Variants in SYT14 observed in about 807,000 individuals in gnomAD.
SYT14 encodes the protein synaptotagmin 14, also known as synaptotagmin-14.
SYT14 carries 32 observed loss-of-function variants against 74.2 expected under a neutral mutation model. The observed-to-expected ratio is 0.43, with a 90% CI of 0.33 to 0.58. The LOEUF (loss-of-function observed/expected upper bound fraction) is 0.58, where lower values mean the gene tolerates loss of function less well. SYT14 is among the 20% of genes least tolerant of loss of function. The probability of loss-of-function intolerance (pLI) is 0.05; values close to 1 mark genes in which losing one functional copy is unlikely to be tolerated. For missense variants in SYT14, 791 were observed against 981.8 expected, an observed-to-expected ratio of 0.81 and a Z score of 2.60; for synonymous variants, 298 against 337.7, an observed-to-expected ratio of 0.88 and a Z score of 1.29.
At chr1:210,094,210 T>G in intron 5 of SYT14, 112 bp from the exon 5 acceptor site, 1 of 1,386,442 alleles carries the variant, frequency 7.2e-7, no homozygotes. Context: ...CTAATAGTTA[T>G]GTTGCCATCA....
At chr1:209,991,437 T>TCC (rs2079683777) in intron 2 of SYT14, among the ~76,000 whole-genome samples, 1 of 151,600 alleles carries the variant, frequency 6.6e-6, no homozygotes, top group Non-Finnish European at 1.5e-5. Context: ...TCAACCAAAA[T>TCC]CCCTCAAATA....
chr1:209,997,239 A>T (rs992043813), intron 2 of SYT14, among the ~76,000 whole-genome samples: 1 of 152,138 alleles, frequency 6.6e-6, no homozygotes, highest in Admixed American at 6.6e-5. Context: ...CTCCACCAAA[A>T]GGCTGCAAGA....
chr1:210,106,806 C>G (rs539096736), intron 7 of SYT14, among the ~76,000 whole-genome samples: 2 of 152,206 alleles, frequency 1.3e-5, no homozygotes, highest in African/African-American at 4.8e-5. Flanking sequence ...ATCTCATGCC[C>G]TCACATTTCA....
chr1:209,963,526 G>A (rs1418401115), intron 2 of SYT14, among the ~76,000 whole-genome samples: 1 of 152,156 alleles, frequency 6.6e-6, no homozygotes, highest in Non-Finnish European at 1.5e-5. Flanking sequence ...AATTATATAT[G>A]TAAAAATATG....
In SYT14 at chr1:210,140,680, C is replaced by T. The variant is rs142124190; in HGVS notation, c.2035-15041C>T. Among the ~76,000 whole-genome samples, 883 of 152,042 alleles carry T rather than the reference C, an allele frequency of 5.8e-3. 30 individuals carry two copies. The highest frequency in any genetic ancestry group is 0.054 in the Admixed American group (831 of 15,270). ...ATCCATTTGAGTTGATTTTTTAATA[C>T]GGTGTGAGGGAGAGGTCCAAATTAA... On this transcript the variant is annotated intron_variant, in intron 7 of 9. Transcript: ENST00000637265.
chr1:210,143,848 A>G (rs1273872333), intron 7 of SYT14, among the ~76,000 whole-genome samples: 4 of 152,162 alleles, frequency 2.6e-5, no homozygotes, highest in Admixed American at 2.6e-4. Flanking sequence ...TTACTAACAA[A>G]TCTTATTTTA....
intron 2 of SYT14, among the ~76,000 whole-genome samples, chr1:209,998,005 A>G (rs1324265731): frequency 1.3e-5 from 2 of 152,054 alleles, no homozygotes; most frequent in African/African-American, 4.8e-5. Context: ...TTTTAAAACC[A>G]TATGTTAAAT....
chr1:210,044,684 G>T (rs1029348072), intron 5 of SYT14, among the ~76,000 whole-genome samples: 1 of 152,102 alleles, frequency 6.6e-6, no homozygotes, highest in Non-Finnish European at 1.5e-5. Flanking sequence ...ATAATGATTT[G>T]TATTAGGCTC....
intron 2 of SYT14, among the ~76,000 whole-genome samples, chr1:210,012,636 G>T (rs190515411): frequency 5.3e-5 from 8 of 152,092 alleles, no homozygotes; most frequent in Admixed American, 3.9e-4. Flanking sequence ...TAAAAATAAT[G>T]ATATGTGTTC....
At chr1:210,048,814 A>G (rs1363390297) in intron 5 of SYT14, among the ~76,000 whole-genome samples, 2 of 152,226 alleles carry the variant, frequency 1.3e-5, no homozygotes, top group African/African-American at 4.8e-5. Context: ...TCTGCCTATG[A>G]CGCAGTAAAA....
chr1:210,035,188 G>A (rs1332612583), intron 5 of SYT14, among the ~76,000 whole-genome samples: 1 of 151,416 alleles, frequency 6.6e-6, no homozygotes, highest in Non-Finnish European at 1.5e-5. Context: ...ATGCTTGTTG[G>A]CCATTTGCAA....
intron 3 of SYT14, among the ~76,000 whole-genome samples, chr1:210,014,858 CTTTG>C (rs1424432646): frequency 6.6e-6 from 1 of 151,866 alleles, no homozygotes; most frequent in African/African-American, 2.4e-5. Context: ...CTGGTTTTTC[CTTTG>C]TTTAATGACA....
intron 4 of SYT14, 118 bp from the exon 4 acceptor site, chr1:210,020,921 A>G: frequency 1.3e-6 from 1 of 792,060 alleles, no homozygotes; most frequent in Non-Finnish European, 2.1e-6. Context: ...ATATAACTTC[A>G]GCAAATTTTC....
intron 2 of SYT14, among the ~76,000 whole-genome samples, chr1:210,008,402 C>CG (rs2080027650): frequency 6.6e-6 from 1 of 151,696 alleles, no homozygotes; most frequent in Non-Finnish European, 1.5e-5. Context: ...ATCTCGCTCT[C>CG]GCTCAGGCTG....
intron 8 of SYT14, chr1:210,156,976 G>A: frequency 8.5e-6 from 2 of 234,602 alleles, no homozygotes; most frequent in South Asian, 4.4e-5. Context: ...TTACAGGCGT[G>A]AGCCACTGCG....
At chr1:210,034,931 A>G (rs2080625651) in intron 5 of SYT14, among the ~76,000 whole-genome samples, 1 of 151,948 alleles carries the variant, frequency 6.6e-6, no homozygotes, top group Admixed American at 6.6e-5. Flanking sequence ...GCTATGATAA[A>G]CATAGAAGTG....
chr1:210,118,342 T>A (rs1208731439), intron 7 of SYT14, among the ~76,000 whole-genome samples: 2 of 152,216 alleles, frequency 1.3e-5, no homozygotes, highest in East Asian at 3.8e-4. Context: ...TTGGGGAGTA[T>A]CTAGATTATG....
chr1:209,960,334 A>G (rs1043384182), intron 2 of SYT14, among the ~76,000 whole-genome samples: 1 of 152,182 alleles, frequency 6.6e-6, no homozygotes, highest in African/African-American at 2.4e-5. Flanking sequence ...AGAATAGGAG[A>G]TGATCAGTGG....
intron 2 of SYT14, among the ~76,000 whole-genome samples, chr1:209,959,653 A>G (rs1459986303): frequency 6.6e-6 from 1 of 152,232 alleles, no homozygotes; most frequent in Non-Finnish European, 1.5e-5. Context: ...CAAACAGTGA[A>G]AGAAACCAGA....
Sources: allele counts gnomAD v4.1 joint callset (sites outside exome capture counted in the v4.1 genomes callset), GRCh38; gene constraint gnomAD v4.1.1; transcripts MANE v1.5; gene names NCBI Gene and HGNC (gene_info 2026-07-23, HGNC 2026-07-21).